The following STARD13 variants were observed in gnomAD, a reference collection of about 807,000 sequenced individuals.
STARD13 encodes StAR related lipid transfer domain containing 13, also known as stAR-related lipid transfer protein 13.
STARD13 carries 62 observed loss-of-function variants against 106.4 expected under a neutral mutation model. The ratio of observed to expected loss-of-function variants is 0.58; its 90% confidence interval spans 0.48 to 0.72. The LOEUF (loss-of-function observed/expected upper bound fraction) is 0.72. Ranked by LOEUF, STARD13 falls within the 30% of genes least tolerant of loss-of-function variation. The pLI is 0.00. For missense variants in STARD13, 1,387 were observed against 1,424.0 expected (o/e 0.97, Z 0.42); for synonymous variants, 565 against 553.0 (o/e 1.02, Z -0.31).
the STARD13 span, among the ~76,000 whole-genome samples, chr13:33,434,352 C>CAAAAAAAAAAAAAAAAAA: frequency 2.1e-4 from 15 of 70,290 alleles, no homozygotes; most frequent in East Asian, 1.3e-3. Context: ...GACTCTGTCT[C>CAAAAAAAAAAAAAAAAAA]AAAAAAAAAA....
the STARD13 span, among the ~76,000 whole-genome samples, chr13:33,435,334 CTAAG>C: frequency 6.6e-6 from 1 of 152,148 alleles, no homozygotes; most frequent in East Asian, 1.9e-4. Context: ...AGAGCTAAAA[CTAAG>C]TACTCAGAAT....
the STARD13 span, among the ~76,000 whole-genome samples, chr13:33,556,648 T>C: frequency 1.3e-5 from 2 of 152,360 alleles, no homozygotes; most frequent in Admixed American, 1.3e-4. Flanking sequence ...AAAATCATTT[T>C]AAACATTCTG....
At chr13:33,312,714 C>T (rs1271105097) in intron 1 of STARD13, among the ~76,000 whole-genome samples, 1 of 152,182 alleles carries the variant, frequency 6.6e-6, no homozygotes, top group African/African-American at 2.4e-5. Flanking sequence ...CATGTGGCAA[C>T]ATGGCTTTCC....
the STARD13 span, among the ~76,000 whole-genome samples, chr13:33,399,824 G>C: frequency 2.0e-5 from 3 of 151,266 alleles, no homozygotes; most frequent in African/African-American, 7.3e-5. Flanking sequence ...AAGGAATTTA[G>C]AGTGGAAGAA....
the STARD13 span, among the ~76,000 whole-genome samples, chr13:33,451,841 C>G: frequency 6.6e-6 from 1 of 152,108 alleles, no homozygotes; most frequent in Non-Finnish European, 1.5e-5. Flanking sequence ...AAAGGGAAGA[C>G]TTTAATCAGC....
At chr13:33,132,462 C>T (rs761736876) in intron 4 of STARD13, among the ~76,000 whole-genome samples, 3 of 152,176 alleles carry the variant, frequency 2.0e-5, no homozygotes, top group Non-Finnish European at 4.4e-5. Context: ...TTTTGCCTTC[C>T]ACCATGATTG....
the STARD13 span, among the ~76,000 whole-genome samples, chr13:33,465,348 G>GGC: frequency 2.2e-4 from 33 of 151,846 alleles, no homozygotes; most frequent in East Asian, 6.4e-3. Flanking sequence ...TGGGACTACA[G>GGC]GTGCCCGCCA....
the STARD13 span, among the ~76,000 whole-genome samples, chr13:33,550,010 ATATT>A: frequency 3.3e-5 from 5 of 152,126 alleles, no homozygotes; most frequent in East Asian, 3.8e-4. Context: ...GAAACTTTTT[ATATT>A]TATTCTTTAT....
intron 1 of STARD13, among the ~76,000 whole-genome samples, chr13:33,188,935 C>T (rs555492782): frequency 1.3e-5 from 2 of 152,284 alleles, no homozygotes; most frequent in African/African-American, 2.4e-5. Flanking sequence ...GCTAACTTTG[C>T]TTTCTAGGCT....
chr13:33,134,891 G>T (rs553524560), intron 4 of STARD13, among the ~76,000 whole-genome samples: 1 of 152,350 alleles, frequency 6.6e-6, no homozygotes, highest in African/African-American at 2.4e-5. Flanking sequence ...GCTATTAATA[G>T]TCTTGAGAGT....
At chr13:33,241,535 GCCCCTC>G (rs1023682671) in intron 1 of STARD13, among the ~76,000 whole-genome samples, 15 of 148,426 alleles carry the variant, frequency 1.0e-4, no homozygotes, top group East Asian at 5.9e-4. Context: ...TAAAAAGTAT[GCCCCTC>G]CCCCTCCCCC....
the STARD13 span, among the ~76,000 whole-genome samples, chr13:33,590,561 A>G: frequency 1.3e-5 from 2 of 152,022 alleles, no homozygotes; most frequent in African/African-American, 4.8e-5. Context: ...GACATGGATG[A>G]AGCTGGAAAC....
chr13:33,490,367 C>A, the STARD13 span, among the ~76,000 whole-genome samples: 1 of 152,114 alleles, frequency 6.6e-6, no homozygotes, highest in Non-Finnish European at 1.5e-5. Context: ...CCTGTTTTCG[C>A]GCTCCTCTTT....
chr13:33,562,032 T>C, the STARD13 span, among the ~76,000 whole-genome samples: 6 of 146,830 alleles, frequency 4.1e-5, 1 homozygote, highest in African/African-American at 1.5e-4. Context: ...TTGCTGAGGA[T>C]AGTGAATGAG....
chr13:33,357,550 A>C, the STARD13 span, among the ~76,000 whole-genome samples: 1 of 152,226 alleles, frequency 6.6e-6, no homozygotes. Context: ...TGAGGTCAGC[A>C]GCTACTCTTT....
At chr13:33,481,837 G>C in the STARD13 span, among the ~76,000 whole-genome samples, 3 of 133,300 alleles carry the variant, frequency 2.3e-5, no homozygotes, top group Admixed American at 2.2e-4. Context: ...AAATTAGCCG[G>C]GCGTGGTGGT....
At chr13:33,593,969 C>T in the STARD13 span, among the ~76,000 whole-genome samples, 2 of 152,072 alleles carry the variant, frequency 1.3e-5, no homozygotes, top group East Asian at 3.9e-4. Flanking sequence ...TGCAGTGACG[C>T]GATCTCGACT....
the STARD13 span, among the ~76,000 whole-genome samples, chr13:33,369,161 T>C: frequency 6.6e-6 from 1 of 152,046 alleles, no homozygotes; most frequent in Admixed American, 6.6e-5. Context: ...GGGTAACATC[T>C]TTACTTCTGT....
At chr13:33,238,492 C>A (rs569662553) in intron 1 of STARD13, among the ~76,000 whole-genome samples, 4 of 152,112 alleles carry the variant, frequency 2.6e-5, no homozygotes, top group East Asian at 3.9e-4. Context: ...AAAAGTAGAT[C>A]ATCTATTTTA....
Sources: gnomAD v4.1 joint callset for allele counts (sites outside exome capture counted in the v4.1 genomes callset) on GRCh38, gnomAD v4.1.1 for gene constraint, MANE v1.5 for transcripts, NCBI Gene and HGNC (gene_info 2026-07-23, HGNC 2026-07-21) for gene names.